The following DNAH3 variants were observed in gnomAD, a reference collection of about 807,000 sequenced individuals.
The protein encoded by DNAH3 is dynein axonemal heavy chain 3, also known as axonemal beta dynein heavy chain 3.
Under a neutral mutation model 432.5 loss-of-function variants are expected in DNAH3, and 332 were observed. That is an observed-to-expected ratio of 0.77 (90% confidence interval 0.70 to 0.84). The LOEUF (loss-of-function observed/expected upper bound fraction) is 0.84. Ranked by LOEUF, DNAH3 falls within the 40% of genes least tolerant of loss-of-function variation. The pLI is 0.00. For synonymous variants in DNAH3, 1,956 were observed against 1,900.2 expected, an observed-to-expected ratio of 1.03 and a Z score of -0.76; for missense variants, 4,861 against 5,114.0, an observed-to-expected ratio of 0.95 and a Z score of 1.51.
At chr16:21,106,496 A>T (rs1471004553) in exon 15 of DNAH3, 1 of 1,600,720 alleles carries the variant, frequency 6.2e-7, no homozygotes, top group South Asian at 1.1e-5. Context: ...TTACACGGCA[A>T]GTCTGCATAG....
intron 17 of DNAH3, among the ~76,000 whole-genome samples, chr16:21,098,146 T>A (rs1163001853): frequency 1.3e-5 from 2 of 152,232 alleles, no homozygotes; most frequent in African/African-American, 4.8e-5. Flanking sequence ...GAAAAGGTAG[T>A]TGAAAGTACC....
chr16:21,070,172 T>G (rs1428387782), intron 22 of DNAH3, among the ~76,000 whole-genome samples: 1 of 152,226 alleles, frequency 6.6e-6, no homozygotes, highest in Non-Finnish European at 1.5e-5. Context: ...CATGTGTATT[T>G]GGTGCATTCA....
At chr16:20,964,183 T>C (rs61735055) in exon 53 of DNAH3, 39,039 of 1,614,136 alleles carry the variant, frequency 0.024, 553 homozygotes, top group African/African-American at 0.051. Flanking sequence ...TTCCTTGAGA[T>C]GCTTCTTGTT....
chr16:20,953,432 T>C (rs2152589304), intron 55 of DNAH3, among the ~76,000 whole-genome samples: 1 of 152,312 alleles, frequency 6.6e-6, no homozygotes, highest in East Asian at 1.9e-4. Context: ...GTGCTGGGAT[T>C]ACAGGTGTGA....
At chr16:21,037,069 G>A (rs1000044924) in intron 34 of DNAH3, among the ~76,000 whole-genome samples, 7 of 152,192 alleles carry the variant, frequency 4.6e-5, no homozygotes, top group African/African-American at 1.7e-4. Flanking sequence ...TGCACTTTGG[G>A]TGACCGAGGT....
chr16:20,980,714 C>A (rs2085859065), intron 49 of DNAH3, among the ~76,000 whole-genome samples: 1 of 152,036 alleles, frequency 6.6e-6, no homozygotes, highest in African/African-American at 2.4e-5. Flanking sequence ...TAAAATAAAA[C>A]ACAGAATTAC....
At chr16:21,036,795 T>C in exon 35 of DNAH3, 1 of 1,613,018 alleles carries the variant, frequency 6.2e-7, no homozygotes, top group Non-Finnish European at 8.5e-7. Flanking sequence ...TCAGAAAAAC[T>C]TCATAGTCTG....
intron 57 of DNAH3, 54 bp downstream of exon 57, chr16:20,948,429 G>C: frequency 6.4e-7 from 1 of 1,574,142 alleles, no homozygotes. Flanking sequence ...TAGCCATATA[G>C]AGATGACGGA....
intron 29 of DNAH3, among the ~76,000 whole-genome samples, chr16:21,051,145 T>C (rs145992335): frequency 6.6e-6 from 1 of 152,312 alleles, no homozygotes; most frequent in African/African-American, 2.4e-5. Context: ...AAACTCTCAC[T>C]GTAAGGAAAT....
exon 60 of DNAH3, chr16:20,936,807 T>C (rs1401849812): frequency 1.2e-6 from 2 of 1,613,618 alleles, no homozygotes; most frequent in South Asian, 1.1e-5. Context: ...TGTCCTTTGA[T>C]GGCTCGGCCA....
At chr16:21,129,480 G>A (rs75657167) in intron 7 of DNAH3, 42,178 of 150,460 alleles carry the variant, frequency 0.28, 6,030 homozygotes, top group African/African-American at 0.33. Flanking sequence ...CTGTAATCCC[G>A]GCACTTTGGG....
intron 48 of DNAH3, among the ~76,000 whole-genome samples, chr16:20,984,204 C>A (rs533097977): frequency 6.6e-6 from 1 of 150,464 alleles, no homozygotes; most frequent in East Asian, 2.0e-4. Flanking sequence ...TGTGCGCATG[C>A]GTGCGTGTGT....
At chr16:20,945,491 C>T (rs886658964) in intron 57 of DNAH3, among the ~76,000 whole-genome samples, 5 of 149,894 alleles carry the variant, frequency 3.3e-5, no homozygotes, top group Non-Finnish European at 5.9e-5. Context: ...TTCTTTATTC[C>T]TTTACTTTTT....
exon 23 of DNAH3, chr16:21,069,481 C>T: frequency 1.9e-6 from 3 of 1,614,150 alleles, no homozygotes; most frequent in Non-Finnish European, 2.5e-6. Flanking sequence ...CTTCTGGCAT[C>T]TGGGCTATGA....
At chr16:21,033,356 A>G (rs902468023) in intron 36 of DNAH3, among the ~76,000 whole-genome samples, 1 of 152,126 alleles carries the variant, frequency 6.6e-6, no homozygotes, top group African/African-American at 2.4e-5. Context: ...AAAACCCACA[A>G]CTGTTTCTCT....
intron 23 of DNAH3, among the ~76,000 whole-genome samples, chr16:21,067,767 G>GC (rs1412607267): frequency 1.1e-5 from 1 of 89,854 alleles, no homozygotes; most frequent in East Asian, 4.6e-4. Context: ...TGGGGGGGGG[G>GC]GTGGGGAGGG....
chr16:21,096,127 G>T (rs1405932574), intron 18 of DNAH3, among the ~76,000 whole-genome samples: 1 of 141,798 alleles, frequency 7.1e-6, no homozygotes, highest in Non-Finnish European at 1.6e-5. Context: ...AAACCTAAGG[G>T]TCTCTGATTT....
At chr16:20,975,306 T>C (rs375990754) in exon 51 of DNAH3, 2 of 1,614,078 alleles carry the variant, frequency 1.2e-6, no homozygotes, top group African/African-American at 2.7e-5. Context: ...TTTCTTTCCA[T>C]CAGCTTCTCT....
In DNAH3 at chr16:21,024,224, G is replaced by A. The variant is rs138142070; in HGVS notation, c.5646+372C>T. Reference sequence around the variant, plus strand: ...GGGATGGGAATTGGCAGCACCAAAAGGAACACCTGGCCCATCTCTAGAGAA... The same window carrying A: ...GGGATGGGAATTGGCAGCACCAAAAAGAACACCTGGCCCATCTCTAGAGAA... On this transcript the variant is annotated intron_variant, in intron 39 of 61. Coordinates refer to ENST00000261383, the Ensembl canonical transcript of DNAH3. Among the ~76,000 whole-genome samples, 871 of 152,262 alleles carry A rather than the reference G, an allele frequency of 5.7e-3. 8 individuals carry two copies. The highest frequency in any genetic ancestry group is 0.02 in the African/African-American group (834 of 41,546).
Sources: gnomAD v4.1 joint callset for allele counts (sites outside exome capture counted in the v4.1 genomes callset) on GRCh38, gnomAD v4.1.1 for gene constraint, MANE v1.5 for transcripts, NCBI Gene and HGNC (gene_info 2026-07-23, HGNC 2026-07-21) for gene names.